Variants in LDLRAD2 observed in about 807,000 individuals in gnomAD.
The protein encoded by LDLRAD2 is low density lipoprotein receptor class A domain containing 2, also known as low-density lipoprotein receptor class A domain-containing protein 2.
A neutral mutation model predicts 24.9 loss-of-function variants in LDLRAD2; 25 were observed. The ratio of observed to expected loss-of-function variants is 1.00; its 90% CI spans 0.73 to 1.40. LDLRAD2 has a LOEUF of 1.40. LDLRAD2 is among the 40% of genes most tolerant of loss of function. The pLI, the probability that LDLRAD2 is intolerant of heterozygous loss-of-function variation, is 0.00. For missense variants in LDLRAD2, 391 were observed against 366.2 expected (o/e 1.07, Z -0.55); for synonymous variants, 182 against 166.7 (o/e 1.09, Z -0.71).
In LDLRAD2 at chr1:21,823,414, C is replaced by T. The variant is rs559664510; in HGVS notation, c.*1199C>T. 1.2e-5 allele frequency: 19 copies of T among 1,582,756 alleles called. No individual in the cohort carries two copies. The South Asian group carries it at 1.6e-4, about 13-fold the overall frequency. On this transcript the variant is annotated 3_prime_UTR_variant, in exon 5 of 5. Coordinates refer to ENST00000344642, the MANE Select transcript of LDLRAD2 (RefSeq NM_001013693.3). ...GCGCCGGGTCGGGCCGAGTGCAGCA[C>T]CAGGTTCTTGACACAGCCTGTGATG...
rs2097939189 is a variant in LDLRAD2 at position 21,812,306 on chromosome 1, T to G, written c.-146T>G. 1 of 621,908 alleles carries G rather than the reference T, an allele frequency of 1.6e-6. No individual in the cohort carries two copies. Among genetic ancestry groups the G allele is most frequent in the Non-Finnish European group, 2.9e-6 (1 of 345,822 alleles). 38.5% of individuals were successfully genotyped at this position (621,908 alleles called of 1,614,324 possible). On this transcript the variant is annotated 5_prime_UTR_variant, in exon 1 of 5. Coordinates refer to ENST00000344642, the MANE Select transcript of LDLRAD2 (RefSeq NM_001013693.3). Reference sequence around the variant, plus strand: ...GGATCTGGAAGGCAAAGCACTAAGATCATAGTGAAGACTTGCCTCCCCCTT... The same window carrying G: ...GGATCTGGAAGGCAAAGCACTAAGAGCATAGTGAAGACTTGCCTCCCCCTT...
chr1:21,814,671 C>T lies in LDLRAD2; in HGVS notation c.359C>T (p.Pro120Leu). The T allele has an allele frequency of 1.9e-6, 3 of 1,585,216 alleles. No individual in the cohort carries two copies. The highest frequency in any genetic ancestry group is 2.6e-6 in the Non-Finnish European group (3 of 1,166,842). The part of the protein sequence containing the change: ...GSYLQFYEGP[P>L]GAPRPLGSPL... ...TACCTGCAGTTCTACGAGGGCCCGC[C>T]GGGGGCGCCCCGGCCCCTGGGGTCC... The change falls in exon 2 of 5, where the codon CCG becomes CTG. Residue 120 changes from proline (P) to leucine (L), a missense_variant. Pro to Leu is a moderately conservative substitution (Grantham distance 98). Transcript: ENST00000344642.
chr1:21,819,889 C>A (rs2097948414), intron 3 of LDLRAD2, among the ~76,000 whole-genome samples: 1 of 152,144 alleles, frequency 6.6e-6, no homozygotes, highest in Non-Finnish European at 1.5e-5. Flanking sequence ...TCAGGGGATG[C>A]CTCAAGAAAC....
rs760750964 is a variant in LDLRAD2 at position 21,822,495 on chromosome 1, C to A, written c.*280C>A. 8 of 342,400 alleles carry A rather than the reference C, an allele frequency of 2.3e-5. 1 individual carries two copies. Among genetic ancestry groups the A allele is most frequent in the South Asian group, 1.0e-4 (4 of 38,480 alleles). The allele number at this position is 342,400 out of a possible 1,614,324, so 21.2% of individuals were successfully genotyped here. A position where few individuals can be genotyped will look rare whatever the true frequency, so the allele number is the denominator to read the frequency against. ...TTCCTGAGCACCAGCGGCATCCGTC[C>A]GTCCGTTGTCTGTTGGAGGAGTCCC... On this transcript the variant is annotated 3_prime_UTR_variant, in exon 5 of 5. Transcript: ENST00000344642.
chr1:21,812,367 C>A lies in LDLRAD2; in HGVS notation c.-85C>A. The A allele has an allele frequency of 9.3e-7, 1 of 1,070,664 alleles. No individual in the cohort carries two copies. The highest frequency in any genetic ancestry group is 1.4e-6 in the Non-Finnish European group (1 of 700,658). 66.3% of individuals were successfully genotyped at this position (1,070,664 alleles called of 1,614,324 possible). A position where few individuals can be genotyped will look rare whatever the true frequency, so the allele number is the denominator to read the frequency against. On this transcript the variant is annotated 5_prime_UTR_variant, in exon 1 of 5. Transcript: ENST00000344642. Reference sequence around the variant, plus strand: ...CCCACCAGCCTCCCTGCTGGCCTGACCAGGCCCCATACTCCAGTCTCCCCA... The same window carrying A: ...CCCACCAGCCTCCCTGCTGGCCTGAACAGGCCCCATACTCCAGTCTCCCCA...
chr1:21,819,629 T>C (rs1420999506), intron 3 of LDLRAD2, among the ~76,000 whole-genome samples: 1 of 3,438 alleles, frequency 2.9e-4, no homozygotes, highest in Non-Finnish European at 6.1e-4. Flanking sequence ...CACTAGGGGC[T>C]GGGGGGGTGG....
chr1:21,815,176 T>G (rs2097942617), intron 2 of LDLRAD2, among the ~76,000 whole-genome samples: 1 of 152,016 alleles, frequency 6.6e-6, no homozygotes, highest in Non-Finnish European at 1.5e-5. Flanking sequence ...CACCTCACAC[T>G]CTGACATCCA....
chr1:21,817,797 C>T (rs1414633335), intron 3 of LDLRAD2, among the ~76,000 whole-genome samples: 1 of 152,118 alleles, frequency 6.6e-6, no homozygotes, highest in Non-Finnish European at 1.5e-5. Flanking sequence ...GTTCAGTTTT[C>T]CCTAGTTTTT....
chr1:21,815,837 C>G (rs1557654897), intron 2 of LDLRAD2, 106 bp from the exon 3 acceptor site: 1 of 1,368,706 alleles, frequency 7.3e-7, no homozygotes, highest in Non-Finnish European at 1.0e-6. Flanking sequence ...ATGAGGGCAG[C>G]TCTCTCCTGC....
rs377321609 is a variant in LDLRAD2, at chr1:21,814,420, G to T, written c.108G>T (p.Gly36=). ...CAGCCGACCTGGCGGAACTGTGCGG[G>T]CAGACGTGGCAGGGGGACGGGCTGC... is the stretch of plus-strand genomic sequence containing the variant. The part of the protein sequence containing the change: ...LETADLAELC[G]QTWQGDGLLL... Residue 36 remains glycine, a synonymous_variant, in exon 2 of 5, where the codon GGG becomes GGT. Transcript: ENST00000344642. 5 of 1,606,190 alleles carry T rather than the reference G, an allele frequency of 3.1e-6. No homozygotes were observed. The highest frequency in any genetic ancestry group is 4.3e-6 in the Non-Finnish European group (5 of 1,176,456).
rs754024528 is a variant in LDLRAD2, at chr1:21,814,426, G to A, written c.114G>A (p.Thr38=). 1.2e-6 allele frequency: 2 copies of A among 1,607,744 alleles called. No individual in the cohort carries two copies. Among genetic ancestry groups the A allele is most frequent in the East Asian group, 2.2e-5 (1 of 44,650 alleles). The part of the protein sequence containing the change: ...TADLAELCGQ[T]WQGDGLLLRS... Reference sequence around the variant, plus strand: ...ACCTGGCGGAACTGTGCGGGCAGACGTGGCAGGGGGACGGGCTGCTGCTGC... The same window carrying A: ...ACCTGGCGGAACTGTGCGGGCAGACATGGCAGGGGGACGGGCTGCTGCTGC... Residue 38 remains threonine (T), a synonymous_variant, in exon 2 of 5, where the codon ACG becomes ACA. Transcript: ENST00000344642.
At position 21,822,495 on chromosome 1, in the gene LDLRAD2, C is replaced by G; in HGVS notation, c.*280C>G. The G allele has an allele frequency of 2.9e-6, 1 of 342,542 alleles. No individual in the cohort carries two copies. The highest frequency in any genetic ancestry group is 5.7e-6 in the Non-Finnish European group (1 of 175,890). 21.2% of individuals were successfully genotyped at this position (342,542 alleles called of 1,614,324 possible). Reference sequence around the variant, plus strand: ...TTCCTGAGCACCAGCGGCATCCGTCCGTCCGTTGTCTGTTGGAGGAGTCCC... The same window carrying G: ...TTCCTGAGCACCAGCGGCATCCGTCGGTCCGTTGTCTGTTGGAGGAGTCCC... On this transcript the variant is annotated 3_prime_UTR_variant, in exon 5 of 5. Transcript: ENST00000344642.
intron 3 of LDLRAD2, among the ~76,000 whole-genome samples, 188 bp downstream of exon 3, chr1:21,816,262 T>A (rs2097943894): frequency 6.6e-6 from 1 of 152,252 alleles, no homozygotes; most frequent in Admixed American, 6.5e-5. Context: ...GATGATCTCA[T>A]CCGGCGGATT....
At position 21,824,997 on chromosome 1, in the gene LDLRAD2, T is replaced by C; in HGVS notation, c.*2782T>C. On this transcript the variant is annotated 3_prime_UTR_variant, in exon 5 of 5. Transcript: ENST00000344642. This position sits in a 1 kb window ranked among gnomAD's most constrained non-coding sequence, Gnocchi z 5.9. ...CAATTTCACTCACTTCTCACTGAAA[T>C]TGAGCAGTTCTTTCAATGAGATGTA... is the stretch of plus-strand genomic sequence containing the variant. 1.7e-6 allele frequency: 1 copy of C among 594,326 alleles called. No individual in the cohort carries two copies. Among genetic ancestry groups the C allele is most frequent in the Non-Finnish European group, 3.0e-6 (1 of 328,546 alleles). The allele number at this position is 594,326 out of a possible 1,614,324, so 36.8% of individuals were successfully genotyped here.
chr1:21,821,872 C>T, intron 4 of LDLRAD2: 2 of 1,422,744 alleles, frequency 1.4e-6, no homozygotes, highest in Non-Finnish European at 1.8e-6. Flanking sequence ...GCAGCACAGC[C>T]TGTACCACGT....
rs759110395 is a variant in LDLRAD2 at position 21,823,739 on chromosome 1, G to T, written c.*1524G>T. The T allele has an allele frequency of 1.9e-6, 3 of 1,602,416 alleles. No individual in the cohort carries two copies. Among genetic ancestry groups the T allele is most frequent in the Non-Finnish European group, 2.6e-6 (3 of 1,170,616 alleles). ...CCCTCCCTGCAGTGGAACTGGGTCA[G>T]GCCCCTTTCCACAAACTTCCTGGTC... On this transcript the variant is annotated 3_prime_UTR_variant, in exon 5 of 5. Transcript: ENST00000344642.
intron 3 of LDLRAD2, among the ~76,000 whole-genome samples, chr1:21,817,311 CTTCTTT>C (rs949249135): frequency 6.6e-6 from 1 of 152,124 alleles, no homozygotes; most frequent in African/African-American, 2.4e-5. Flanking sequence ...CTGGGGGAGC[CTTCTTT>C]TTCTTTTTCT....
At chr1:21,812,709 C>T (rs1470511744) in intron 1 of LDLRAD2, among the ~76,000 whole-genome samples, 173 bp downstream of exon 1, 1 of 152,232 alleles carries the variant, frequency 6.6e-6, no homozygotes, top group Non-Finnish European at 1.5e-5. Flanking sequence ...AACCCAAAGC[C>T]TTCTGGAAGG....
chr1:21,823,372 G>A lies in LDLRAD2; in HGVS notation c.*1157G>A. On this transcript the variant is annotated 3_prime_UTR_variant, in exon 5 of 5. Coordinates refer to ENST00000344642, the MANE Select transcript of LDLRAD2 (RefSeq NM_001013693.3). ...GCCTGGGCGCGGTGCTGCAGGTCCA[G>A]GGGCTGTGGGGGCGGGGCGCCGGGT... 2 of 1,550,764 alleles carry A rather than the reference G, an allele frequency of 1.3e-6. No homozygotes were observed. The highest frequency in any genetic ancestry group is 8.7e-7 in the Non-Finnish European group (1 of 1,152,412).
Sources: allele counts gnomAD v4.1 joint callset (sites outside exome capture counted in the v4.1 genomes callset), GRCh38; gene constraint gnomAD v4.1.1; non-coding constraint Gnocchi (gnomAD v3.1); transcripts MANE v1.5; gene names NCBI Gene and HGNC (gene_info 2026-07-23, HGNC 2026-07-21).